CCSER1: variants seen among roughly 807,000 people sequenced by gnomAD.
CCSER1 encodes serine-rich coiled-coil domain-containing protein 1.
Under a neutral mutation model 82.0 loss-of-function variants are expected in CCSER1, and 41 were observed. The observed-to-expected ratio is 0.50, with a 90% CI of 0.39 to 0.65. The LOEUF is 0.65. CCSER1 is among the 30% of genes least tolerant of loss of function. The pLI, the probability that CCSER1 is intolerant of heterozygous loss-of-function variation, is 0.00. For missense variants in CCSER1, 1,119 were observed against 1,064.2 expected, an observed-to-expected ratio of 1.05 and a Z score of -0.72; for synonymous variants, 414 against 383.9, an observed-to-expected ratio of 1.08 and a Z score of -0.92.
intron 2 of CCSER1, among the ~76,000 whole-genome samples, chr4:90,312,383 A>G (rs1735447303): frequency 6.6e-6 from 1 of 152,112 alleles, no homozygotes; most frequent in Admixed American, 6.6e-5. Context: ...CATTTGAAAA[A>G]CATCACCTTT....
chr4:91,368,081 G>A (rs1183169103), intron 10 of CCSER1, among the ~76,000 whole-genome samples: 2 of 151,800 alleles, frequency 1.3e-5, no homozygotes, highest in Non-Finnish European at 2.9e-5. Context: ...TTCCATGGGT[G>A]GATGAATTTT....
At position 91,423,278 on chromosome 4, in the gene CCSER1, A is replaced by AG. The variant is rs562844253; in HGVS notation, c.2218-175294_2218-175293insG. On this transcript the variant is annotated intron_variant, in intron 10 of 10. Coordinates refer to ENST00000509176, the MANE Select transcript of CCSER1 (RefSeq NM_001145065.2). ...CCGTCTCTACTTAAAAAAAAAAAAA[A>AG]AATTAGCCAGGCATGATGGAAAGTG... 4.2e-3 allele frequency among the ~76,000 whole-genome samples: 640 copies of AG among 152,034 alleles called. 12 individuals are homozygous for AG. Among genetic ancestry groups the AG allele is most frequent in the African/African-American group, 0.014 (593 of 41,418 alleles).
chr4:90,389,783 C>T (rs892153920), intron 3 of CCSER1, among the ~76,000 whole-genome samples: 2 of 152,096 alleles, frequency 1.3e-5, no homozygotes, highest in Non-Finnish European at 2.9e-5. Context: ...GAGTCCAGCA[C>T]ATGCTGAACA....
chr4:90,616,602 T>C (rs866798821), intron 5 of CCSER1, among the ~76,000 whole-genome samples: 1 of 150,904 alleles, frequency 6.6e-6, no homozygotes, highest in African/African-American at 2.4e-5. Context: ...GGAGAATTGC[T>C]TGAACCTGGG....
At chr4:91,027,273 A>G (rs1027207038) in intron 9 of CCSER1, among the ~76,000 whole-genome samples, 1 of 152,046 alleles carries the variant, frequency 6.6e-6, no homozygotes, top group Non-Finnish European at 1.5e-5. Context: ...TTCCATTTTT[A>G]TTTACTAGAC....
At chr4:90,464,190 T>C (rs1378351662) in intron 4 of CCSER1, among the ~76,000 whole-genome samples, 3 of 152,212 alleles carry the variant, frequency 2.0e-5, no homozygotes, top group Middle Eastern at 6.3e-3. Context: ...ATTTCTACTC[T>C]GCCCTGAGGT....
chr4:91,351,788 CT>C, intron 10 of CCSER1, among the ~76,000 whole-genome samples: 1 of 151,914 alleles, frequency 6.6e-6, no homozygotes. Context: ...TAAAGAATGT[CT>C]TCTACCATTT....
At chr4:90,717,755 T>TAC (rs1491083743) in intron 6 of CCSER1, among the ~76,000 whole-genome samples, 1 of 140,594 alleles carries the variant, frequency 7.1e-6, no homozygotes, top group Admixed American at 7.4e-5. Context: ...TATATATATA[T>TAC]ACACACATAT....
chr4:90,702,293 T>G lies in CCSER1; in HGVS notation c.1933-21621T>G, dbSNP rs188983178. Among the ~76,000 whole-genome samples the G allele has an allele frequency of 4.7e-4, 71 of 152,288 alleles. 1 individual carries two copies. In the East Asian group the frequency reaches 0.011, roughly 24 times the overall value. ...TTACGTTTATTGGTTTTCATATGTT[T>G]AACCAGCCTTGCATCCCAGGGATGA... On this transcript the variant is annotated intron_variant, in intron 6 of 10. Transcript: ENST00000509176.
intron 8 of CCSER1, among the ~76,000 whole-genome samples, chr4:90,906,058 T>G (rs1160503656): frequency 6.6e-6 from 1 of 152,138 alleles, no homozygotes; most frequent in East Asian, 1.9e-4. Context: ...TGGAATCAAT[T>G]AAGTCCAGCT....
chr4:90,977,967 A>G (rs966889717), intron 9 of CCSER1, among the ~76,000 whole-genome samples: 5 of 151,660 alleles, frequency 3.3e-5, no homozygotes, highest in Non-Finnish European at 5.9e-5. Flanking sequence ...CAATGATGTC[A>G]TTAATTAACT....
At chr4:90,816,756 T>A (rs568299607) in intron 8 of CCSER1, among the ~76,000 whole-genome samples, 19 of 152,260 alleles carry the variant, frequency 1.2e-4, no homozygotes, top group Non-Finnish European at 1.9e-4. Context: ...GTGTATTATG[T>A]AATTATTGAA....
intron 5 of CCSER1, among the ~76,000 whole-genome samples, chr4:90,546,552 A>G (rs973654601): frequency 5.9e-5 from 9 of 152,128 alleles, no homozygotes; most frequent in African/African-American, 1.9e-4. Context: ...TGGTGTATGT[A>G]TAGAACAACT....
chr4:91,196,584 G>A (rs1019360399), intron 10 of CCSER1, among the ~76,000 whole-genome samples: 2 of 152,140 alleles, frequency 1.3e-5, no homozygotes, highest in African/African-American at 4.8e-5. Context: ...CCATGTATTA[G>A]GCATTACTGT....
intron 9 of CCSER1, among the ~76,000 whole-genome samples, chr4:90,952,505 A>C (rs1009569839): frequency 2.0e-5 from 3 of 152,136 alleles, no homozygotes; most frequent in African/African-American, 7.2e-5. Context: ...CTAGGTGGTC[A>C]TTGTTAACAA....
intron 10 of CCSER1, among the ~76,000 whole-genome samples, chr4:91,124,102 T>C (rs1727307647): frequency 6.6e-6 from 1 of 151,816 alleles, no homozygotes; most frequent in South Asian, 2.1e-4. Flanking sequence ...GTGACTAAAG[T>C]ATAAAACTTG....
chr4:90,370,309 T>C (rs1025507821), intron 3 of CCSER1: 3 of 151,972 alleles, frequency 2.0e-5, no homozygotes, highest in African/African-American at 7.2e-5. Context: ...ATTAAGGTTA[T>C]AGGAAAAAGA....
At chr4:91,503,669 C>A (rs372122066) in intron 10 of CCSER1, among the ~76,000 whole-genome samples, 2 of 152,048 alleles carry the variant, frequency 1.3e-5, no homozygotes, top group African/African-American at 4.8e-5. Context: ...TCTGGGGAAT[C>A]AATCAAACAT....
At chr4:91,296,467 G>A (rs28493818) in intron 10 of CCSER1, among the ~76,000 whole-genome samples, 21,811 of 58,566 alleles carry the variant, frequency 0.37, 3,083 homozygotes, top group African/African-American at 0.56. Context: ...ATATATATAT[G>A]TATATATATA....
Sources: allele counts gnomAD v4.1 joint callset (sites outside exome capture counted in the v4.1 genomes callset), GRCh38; gene constraint gnomAD v4.1.1; transcripts MANE v1.5; gene names NCBI Gene and HGNC (gene_info 2026-07-23, HGNC 2026-07-21).